The following ADCK2 variants were observed in gnomAD, a reference collection of about 807,000 sequenced individuals.
The protein encoded by ADCK2 is aarF domain containing kinase 2.
Under a neutral mutation model 52.3 loss-of-function variants are expected in ADCK2, and 37 were observed. The observed-to-expected ratio is 0.71, with a 90% CI of 0.54 to 0.93. The LOEUF (loss-of-function observed/expected upper bound fraction) is 0.93, where lower values mean the gene tolerates loss of function less well. Ranked by LOEUF, ADCK2 falls within the 40% of genes least tolerant of loss-of-function variation. ADCK2 has a pLI of 0.00. For missense variants in ADCK2, 695 were observed against 798.7 expected (o/e 0.87, Z 1.56); for synonymous variants, 321 against 349.2 (o/e 0.92, Z 0.90).
chr7:140,673,717 C>CT lies in ADCK2; in HGVS notation c.388dup (p.Trp130LeufsTer54). 1 of 1,612,690 alleles carries CT rather than the reference C, an allele frequency of 6.2e-7. No homozygotes were observed. Among genetic ancestry groups the CT allele is most frequent in the Non-Finnish European group, 8.5e-7 (1 of 1,179,914 alleles). ...ACCTGGCTCCCAGCGTCTCCACCCT[C>CT]TGGCTCCACCTGCTTCTGAAAGCCA... On this transcript the variant is annotated frameshift_variant, in exon 1 of 8. Transcript: ENST00000072869. LOFTEE classifies it high-confidence loss of function. This position sits in a 1 kb window ranked among gnomAD's most constrained non-coding sequence, Gnocchi z 6.4.
chr7:140,689,817 G>A, intron 6 of ADCK2, 92 bp downstream of exon 6: 1 of 1,331,246 alleles, frequency 7.5e-7, no homozygotes, highest in Non-Finnish European at 9.8e-7. Flanking sequence ...CTCTTTATGA[G>A]GGGTGTGAGT....
At chr7:140,675,950 T>C (rs1033124601) in intron 2 of ADCK2, among the ~76,000 whole-genome samples, 3 of 152,178 alleles carry the variant, frequency 2.0e-5, no homozygotes, top group African/African-American at 7.2e-5. Flanking sequence ...GTGCAGGAAT[T>C]GGGAGGTTTT....
At chr7:140,677,922 A>G (rs1585843796) in intron 2 of ADCK2, among the ~76,000 whole-genome samples, 1 of 152,164 alleles carries the variant, frequency 6.6e-6, no homozygotes, top group Non-Finnish European at 1.5e-5. Flanking sequence ...GTCGAGCACT[A>G]TATGGAGTTG....
In ADCK2 at chr7:140,687,089, C is replaced by T. The variant is rs781621360; in HGVS notation, c.1405C>T (p.Gln469Ter). 78 of 1,613,898 alleles carry T rather than the reference C, an allele frequency of 4.8e-5. No individual in the cohort carries two copies. The East Asian group carries it at 5.1e-4, about 11-fold the overall frequency. ...LSSSQEAQLQ[Q>*]ADICDTLVVA... ...CTCGAGTCAGGAGGCGCAGCTGCAG[C>T]AGGCGGACATCTGTGACACTCTGGT... The change falls in exon 5 of 8, where the codon CAG becomes TAG. Residue 469 changes from glutamine to a stop codon, truncating the protein, a stop_gained. Coordinates refer to ENST00000072869, the MANE Select transcript of ADCK2 (RefSeq NM_052853.4). LOFTEE classifies it high-confidence loss of function.
chr7:140,680,610 T>C lies in ADCK2; in HGVS notation c.1210-432T>C, dbSNP rs188245926. Among the ~76,000 whole-genome samples, 221 of 152,306 alleles carry C rather than the reference T, an allele frequency of 1.5e-3. 2 individuals carry two copies. Among genetic ancestry groups the C allele is most frequent in the African/African-American group, 4.9e-3 (202 of 41,562 alleles). The stretch of plus-strand genomic sequence containing the variant: ...GTAGCAGAGTTGATAGGTTTCCTTT[T>C]CAATAAACCTATGTGACTTGTCATC... On this transcript the variant is annotated intron_variant, in intron 3 of 7. Coordinates refer to ENST00000072869, the MANE Select transcript of ADCK2 (RefSeq NM_052853.4).
In ADCK2 at chr7:140,681,064, A is replaced by G. The variant is rs1375293580; in HGVS notation, c.1232A>G (p.Tyr411Cys). 3.1e-6 allele frequency: 5 copies of G among 1,613,996 alleles called. No homozygotes were observed. Among genetic ancestry groups the G allele is most frequent in the Non-Finnish European group, 4.2e-6 (5 of 1,180,006 alleles). ...AAGGAGAGTGTGCCTGTGTCCAGTT[A>G]CCAGCAGGCAGGAATTCCCGTGGAC... ...TYEESVPVSS[Y>C]QQAGIPVDLK... Residue 411 changes from tyrosine (Y) to cysteine (C), a missense_variant, in exon 4 of 8, where the codon TAC (tyrosine) becomes TGC (cysteine). By Grantham distance (194) the Tyr-to-Cys change is radical (BLOSUM62 -2). Coordinates refer to ENST00000072869, the MANE Select transcript of ADCK2 (RefSeq NM_052853.4).
rs533966340 is a variant in ADCK2, at chr7:140,678,433, G to A, written c.1081-722G>A. Among the ~76,000 whole-genome samples, 5 of 152,272 alleles carry A rather than the reference G, an allele frequency of 3.3e-5. No homozygotes were observed. The highest frequency in any genetic ancestry group is 1.9e-4 in the East Asian group (1 of 5,176). ...GGATCAAGGTGCTGTCAGAGGAGGC[G>A]CCGGCTGAGGGCTTGGTGGCTGTCA... On this transcript the variant is annotated intron_variant, in intron 2 of 7. Coordinates refer to ENST00000072869, the MANE Select transcript of ADCK2 (RefSeq NM_052853.4). The surrounding 1 kb of genome is among the most constrained non-coding windows in gnomAD (Gnocchi z 4.9).
At chr7:140,692,490 T>G (rs1794726050) in intron 7 of ADCK2, among the ~76,000 whole-genome samples, 2 of 152,324 alleles carry the variant, frequency 1.3e-5, no homozygotes, top group African/African-American at 4.8e-5. Flanking sequence ...CCCAAGTAAC[T>G]GGGATTACAG....
chr7:140,689,739 T>G lies in ADCK2; in HGVS notation c.1686+14T>G. 2 of 1,606,256 alleles carry G rather than the reference T, an allele frequency of 1.2e-6. No individual in the cohort carries two copies. The highest frequency in any genetic ancestry group is 1.7e-6 in the Non-Finnish European group (2 of 1,175,538). ...ACCCTGGAGAAGGTGGGCAGGTCAC[T>G]TGCGGAACAGGGGCTGGGGAGTCCA... On this transcript the variant is annotated intron_variant, in intron 6 of 7. Transcript: ENST00000072869.
chr7:140,688,733 G>A (rs916539999), intron 5 of ADCK2, among the ~76,000 whole-genome samples: 5 of 152,196 alleles, frequency 3.3e-5, no homozygotes, highest in East Asian at 1.9e-4. Context: ...ACAGCATGCT[G>A]GCACGTCCGA....
At chr7:140,685,970 A>C (rs1426105835) in intron 4 of ADCK2, among the ~76,000 whole-genome samples, 1 of 152,178 alleles carries the variant, frequency 6.6e-6, no homozygotes, top group Non-Finnish European at 1.5e-5. Flanking sequence ...CTAATTCTGC[A>C]TACCAGTATG....
chr7:140,689,475 G>A (rs1794666689), intron 5 of ADCK2, 122 bp from the exon 6 acceptor site: 1 of 1,245,710 alleles, frequency 8.0e-7, no homozygotes, highest in Non-Finnish European at 1.1e-6. Context: ...CGAGGAGGAA[G>A]AGCCAAAAGC....
chr7:140,678,213 C>A lies in ADCK2; in HGVS notation c.1081-942C>A, dbSNP rs1563206656. Among the ~76,000 whole-genome samples, 1 of 152,110 alleles carries A rather than the reference C, an allele frequency of 6.6e-6. No homozygotes were observed. The highest frequency in any genetic ancestry group is 1.5e-5 in the Non-Finnish European group (1 of 68,010). ...GGCGGTGAGGCTGCAAACTTGATGG[C>A]ATTGGGCCATTGCTGTGCACGGAGG... On this transcript the variant is annotated intron_variant, in intron 2 of 7. Transcript: ENST00000072869. The surrounding 1 kb of genome is among the most constrained non-coding windows in gnomAD (Gnocchi z 4.9).
intron 7 of ADCK2, among the ~76,000 whole-genome samples, chr7:140,691,049 C>G (rs1794695331): frequency 6.6e-6 from 1 of 151,980 alleles, no homozygotes; most frequent in African/African-American, 2.4e-5. Flanking sequence ...CCTCAGTCTC[C>G]TGAGTAGCTG....
intron 4 of ADCK2, 91 bp downstream of exon 4, chr7:140,681,228 G>A: frequency 8.0e-7 from 1 of 1,254,508 alleles, no homozygotes; most frequent in Non-Finnish European, 1.2e-6. Flanking sequence ...TGGGTGGGAA[G>A]GAGAGCGAAG....
intron 3 of ADCK2, among the ~76,000 whole-genome samples, chr7:140,679,795 C>G (rs1794486020): frequency 6.6e-6 from 1 of 151,476 alleles, no homozygotes; most frequent in Non-Finnish European, 1.5e-5. Context: ...GCCTCAGCCT[C>G]CCAAGTAGCT....
At chr7:140,683,459 T>C (rs990184793) in intron 4 of ADCK2, among the ~76,000 whole-genome samples, 1 of 152,198 alleles carries the variant, frequency 6.6e-6, no homozygotes, top group African/African-American at 2.4e-5. Flanking sequence ...GTTCAAGTTC[T>C]CCAGCTCTCA....
In ADCK2 at chr7:140,681,146, A is replaced by G. The variant is rs1376711385; in HGVS notation, c.1305+9A>G. 18 of 1,611,710 alleles carry G rather than the reference A, an allele frequency of 1.1e-5. 3 individuals are homozygous for G. In the South Asian group the frequency reaches 1.6e-4, roughly 15 times the overall value. ...ACATGCTCCTGAAGATGGTGAGCTC[A>G]TGGCTGGAGCGGGCTCAGGCCCAGC... On this transcript the variant is annotated intron_variant, in intron 4 of 7. Coordinates refer to ENST00000072869, the MANE Select transcript of ADCK2 (RefSeq NM_052853.4).
At chr7:140,684,278 A>G (rs1024520225) in intron 4 of ADCK2, among the ~76,000 whole-genome samples, 4 of 152,126 alleles carry the variant, frequency 2.6e-5, no homozygotes, top group African/African-American at 4.8e-5. Context: ...AAAAGAGGAT[A>G]AGAAGTGCCT....
Sources: allele counts gnomAD v4.1 joint callset (sites outside exome capture counted in the v4.1 genomes callset), GRCh38; gene constraint gnomAD v4.1.1; non-coding constraint Gnocchi (gnomAD v3.1); transcripts MANE v1.5; gene names NCBI Gene and HGNC (gene_info 2026-07-23, HGNC 2026-07-21).